TRIM62: variants seen among roughly 807,000 people sequenced by gnomAD.
TRIM62 encodes the protein tripartite motif containing 62.
In TRIM62, 39 loss-of-function variants were observed where a neutral mutation model predicts 44.2. The ratio of observed to expected loss-of-function variants is 0.88; its 90% CI spans 0.68 to 1.15. The LOEUF is 1.15. TRIM62 is among the 50% of genes most tolerant of loss of function. The pLI is 0.00. For missense variants in TRIM62, 544 were observed against 665.5 expected, an observed-to-expected ratio of 0.82 and a Z score of 2.01; for synonymous variants, 278 against 292.3, an observed-to-expected ratio of 0.95 and a Z score of 0.50.
At chr1:33,172,420 G>A (rs1645381753) in intron 1 of TRIM62, among the ~76,000 whole-genome samples, 1 of 152,084 alleles carries the variant, frequency 6.6e-6, no homozygotes, top group Admixed American at 6.5e-5. Flanking sequence ...CTGCAGCCAG[G>A]CATGTGACAG....
In TRIM62 at chr1:33,181,717, G is replaced by A. The variant is rs1645466182; in HGVS notation, c.-285C>T. 1 of 474,526 alleles carries A rather than the reference G, an allele frequency of 2.1e-6. No homozygotes were observed. The highest frequency in any genetic ancestry group is 2.4e-5 in the South Asian group (1 of 41,442). 29.4% of individuals were successfully genotyped at this position (474,526 alleles called of 1,614,324 possible). ...AGGAGGCTGTGAGCGGCTGAGGGAC[G>A]GAGATCCTGACGGGGAGGTTCTAGG... is the stretch of plus-strand genomic sequence containing the variant. On this transcript the variant is annotated 5_prime_UTR_variant, in exon 1 of 5. Transcript: ENST00000291416. The surrounding 1 kb of genome is among the most constrained non-coding windows in gnomAD (Gnocchi z 6.5).
Position 33,166,919 on chromosome 1 carries a change from A to C in TRIM62, c.409-1353T>G, listed in dbSNP as rs528608495. 2.6e-4 allele frequency among the ~76,000 whole-genome samples: 40 copies of C among 152,240 alleles called. No homozygotes were observed. The South Asian group carries it at 6.8e-3, about 26-fold the overall frequency. On this transcript the variant is annotated intron_variant, in intron 1 of 4. Coordinates refer to ENST00000291416, the MANE Select transcript of TRIM62 (RefSeq NM_018207.3). ...TTTTGCATTAATTTTGATTTAAGAAATATTGCATTAAATACTATTCATCTT... is the reference window on the plus strand; with the variant it reads ...TTTTGCATTAATTTTGATTTAAGAACTATTGCATTAAATACTATTCATCTT...
intron 1 of TRIM62, among the ~76,000 whole-genome samples, chr1:33,174,635 C>T (rs925411558): frequency 7.2e-5 from 11 of 152,116 alleles, no homozygotes; most frequent in South Asian, 2.1e-4. Flanking sequence ...GAACCCAGTC[C>T]GTGGAACAAT....
intron 2 of TRIM62, among the ~76,000 whole-genome samples, chr1:33,162,118 T>A (rs1314389860): frequency 6.6e-6 from 1 of 152,218 alleles, no homozygotes; most frequent in Non-Finnish European, 1.5e-5. Flanking sequence ...GCAAACTCAC[T>A]GTCAGAGTGA....
chr1:33,160,296 G>C (rs902149879), intron 2 of TRIM62, among the ~76,000 whole-genome samples: 1 of 152,114 alleles, frequency 6.6e-6, no homozygotes, highest in Non-Finnish European at 1.5e-5. Flanking sequence ...ATAATGCCCA[G>C]GTTTCTGGCT....
intron 4 of TRIM62, among the ~76,000 whole-genome samples, chr1:33,157,434 G>C (rs1326773895): frequency 6.6e-6 from 1 of 151,718 alleles, no homozygotes; most frequent in Non-Finnish European, 1.5e-5. Context: ...AGTGCGGGCT[G>C]GTTCCTGGAC....
chr1:33,157,904 A>T (rs57537071), intron 4 of TRIM62, among the ~76,000 whole-genome samples: 1,701 of 152,006 alleles, frequency 0.011, 34 homozygotes, highest in African/African-American at 0.04. Flanking sequence ...TTACAGGTGC[A>T]CGCCACCATG....
chr1:33,174,784 G>C (rs1412640229), intron 1 of TRIM62, among the ~76,000 whole-genome samples: 1 of 152,066 alleles, frequency 6.6e-6, no homozygotes, highest in Non-Finnish European at 1.5e-5. Flanking sequence ...ACCAGTTTAT[G>C]GGCCTATCTT....
chr1:33,174,511 C>T (rs1317941355), intron 1 of TRIM62, among the ~76,000 whole-genome samples: 1 of 152,100 alleles, frequency 6.6e-6, no homozygotes, highest in African/African-American at 2.4e-5. Context: ...CTCAGTTTCT[C>T]CATTTATAAA....
At chr1:33,152,851 G>A (rs1645120737) in intron 4 of TRIM62, among the ~76,000 whole-genome samples, 2 of 152,170 alleles carry the variant, frequency 1.3e-5, no homozygotes, top group South Asian at 2.1e-4. Flanking sequence ...GCAGGGGGCG[G>A]GGAGAGCAGC....
rs940401188 is a variant in TRIM62, at chr1:33,161,864, G to A, written c.505-1920C>T. 2.6e-5 allele frequency among the ~76,000 whole-genome samples: 4 copies of A among 152,136 alleles called. No homozygotes were observed. Among genetic ancestry groups the A allele is most frequent in the African/African-American group, 7.2e-5 (3 of 41,418 alleles). ...TTTGCCTCCCATCTCTGTGACTGCT[G>A]CCTCTCTGCCTCCCATGTTCCTCGG... On this transcript the variant is annotated intron_variant, in intron 2 of 4. Transcript: ENST00000291416. The surrounding 1 kb of genome is among the most constrained non-coding windows in gnomAD (Gnocchi z 4.3).
Position 33,165,463 on chromosome 1 carries a change from A to T in TRIM62, c.504+8T>A, listed in dbSNP as rs1416973021. On this transcript the variant is annotated splice_region_variant and intron_variant, in intron 2 of 4. Coordinates refer to ENST00000291416, the MANE Select transcript of TRIM62 (RefSeq NM_018207.3). The surrounding 1 kb of genome is among the most constrained non-coding windows in gnomAD (Gnocchi z 4.0). The stretch of plus-strand genomic sequence containing the variant: ...CCGGCCCCACCTCCGCGCCCCGGCC[A>T]GGCTCACCTTGGTCTCCGCCAGTTG... The T allele has an allele frequency of 6.3e-7, 1 of 1,589,342 alleles. No homozygotes were observed. Among genetic ancestry groups the T allele is most frequent in the Non-Finnish European group, 8.6e-7 (1 of 1,167,158 alleles).
At chr1:33,171,034 C>G (rs924397512) in intron 1 of TRIM62, among the ~76,000 whole-genome samples, 1 of 152,196 alleles carries the variant, frequency 6.6e-6, no homozygotes, top group Non-Finnish European at 1.5e-5. Context: ...CTTCCCTTCT[C>G]AGATGGCCAG....
chr1:33,147,037 A>G lies in TRIM62; in HGVS notation c.*140T>C, dbSNP rs1489321914. 2.4e-6 allele frequency: 2 copies of G among 834,764 alleles called. No homozygotes were observed. The highest frequency in any genetic ancestry group is 3.8e-6 in the Non-Finnish European group (2 of 532,020). The allele number at this position is 834,764 out of a possible 1,614,324, so 51.7% of individuals were successfully genotyped here. On this transcript the variant is annotated 3_prime_UTR_variant, in exon 5 of 5. Transcript: ENST00000291416. The surrounding 1 kb of genome is among the most constrained non-coding windows in gnomAD (Gnocchi z 8.1). ...GTAGGGAATGCAACCTCCATTTTAC[A>G]GACTGGAGGCTGGAGGGTAAACAAC...
rs560848709 is a variant in TRIM62, at chr1:33,161,747, C to T, written c.505-1803G>A. On this transcript the variant is annotated intron_variant, in intron 2 of 4. Coordinates refer to ENST00000291416, the MANE Select transcript of TRIM62 (RefSeq NM_018207.3). The surrounding 1 kb of genome is among the most constrained non-coding windows in gnomAD (Gnocchi z 4.3). ...ACCACCTGGAGCTGCCCTCCACAGG[C>T]GCCCAGACTCCGCAGCTACTCCTCT... Among the ~76,000 whole-genome samples, 11 of 152,306 alleles carry T rather than the reference C, an allele frequency of 7.2e-5. No individual in the cohort carries two copies. The highest frequency in any genetic ancestry group is 3.9e-4 in the East Asian group (2 of 5,188).
chr1:33,176,168 G>A (rs1436893510), intron 1 of TRIM62, among the ~76,000 whole-genome samples: 1 of 152,174 alleles, frequency 6.6e-6, no homozygotes, highest in East Asian at 1.9e-4. Flanking sequence ...CTGCCTTCCT[G>A]TCCATGCTAC....
At position 33,147,540 on chromosome 1, in the gene TRIM62, C is replaced by T. The variant is rs757757509; in HGVS notation, c.1065G>A (p.Val355=). The T allele has an allele frequency of 1.2e-6, 2 of 1,613,998 alleles. No homozygotes were observed. The highest frequency in any genetic ancestry group is 1.7e-6 in the Non-Finnish European group (2 of 1,180,008). ...AFSSGVHYWE[V]VVAEKTQWVI... ...CCCACTGGGTCTTCTCCGCCACCAC[C>T]ACCTCCCAGTAGTGGACGCCACTAC... Residue 355 remains valine, a synonymous_variant, in exon 5 of 5, where the codon GTG becomes GTA. Transcript: ENST00000291416. This position sits in a 1 kb window ranked among gnomAD's most constrained non-coding sequence, Gnocchi z 8.1.
At position 33,181,657 on chromosome 1, in the gene TRIM62, G is replaced by C. The variant is rs1557765828; in HGVS notation, c.-225C>G. The stretch of plus-strand genomic sequence containing the variant: ...GACGCCAGCCCGGGAGGGCAGTCTA[G>C]AGGTAGTGGGCAGCTCAAGGCGATG... On this transcript the variant is annotated 5_prime_UTR_variant, in exon 1 of 5. Coordinates refer to ENST00000291416, the MANE Select transcript of TRIM62 (RefSeq NM_018207.3). This position sits in a 1 kb window ranked among gnomAD's most constrained non-coding sequence, Gnocchi z 6.5. 3 of 745,786 alleles carry C rather than the reference G, an allele frequency of 4.0e-6. No individual in the cohort carries two copies. Among genetic ancestry groups the C allele is most frequent in the Non-Finnish European group, 6.2e-6 (3 of 486,368 alleles). 46.2% of individuals were successfully genotyped at this position (745,786 alleles called of 1,614,324 possible). A position where few individuals can be genotyped will look rare whatever the true frequency, so the allele number is the denominator to read the frequency against.
Position 33,165,413 on chromosome 1 carries a change from C to T in TRIM62, c.504+58G>A. Reference sequence around the variant, plus strand: ...CCCCTCTTCCCCAGCTGGCCCCGCCCCTCGAAGCCCTGCCCTCATCTCTGC... The same window carrying T: ...CCCCTCTTCCCCAGCTGGCCCCGCCTCTCGAAGCCCTGCCCTCATCTCTGC... On this transcript the variant is annotated intron_variant, in intron 2 of 4. Transcript: ENST00000291416. The surrounding 1 kb of genome is among the most constrained non-coding windows in gnomAD (Gnocchi z 4.0). 1 of 1,473,628 alleles carries T rather than the reference C, an allele frequency of 6.8e-7. No homozygotes were observed. 91.3% of individuals were successfully genotyped at this position (1,473,628 alleles called of 1,614,324 possible).
Sources: allele counts gnomAD v4.1 joint callset (sites outside exome capture counted in the v4.1 genomes callset), GRCh38; gene constraint gnomAD v4.1.1; non-coding constraint Gnocchi (gnomAD v3.1); transcripts MANE v1.5; gene names NCBI Gene and HGNC (gene_info 2026-07-23, HGNC 2026-07-21).